VLDLR: variants seen among roughly 807,000 people sequenced by gnomAD.
The protein encoded by VLDLR is very low-density lipoprotein receptor.
Under a neutral mutation model 112.7 loss-of-function variants are expected in VLDLR, and 81 were observed. That is an observed-to-expected ratio of 0.72 (90% CI 0.60 to 0.86). VLDLR has a LOEUF of 0.86. VLDLR is among the 40% of genes least tolerant of loss of function. VLDLR has a pLI of 0.00. For synonymous variants in VLDLR, 436 were observed against 384.8 expected (o/e 1.13, Z -1.56); for missense variants, 1,237 against 1,099.4 (o/e 1.13, Z -1.77).
In VLDLR at chr9:2,643,205, G is replaced by A. The variant is rs532269001; in HGVS notation, c.494G>A (p.Arg165His). 38 of 1,613,772 alleles carry A rather than the reference G, an allele frequency of 2.4e-5. No individual in the cohort carries two copies. Among genetic ancestry groups the A allele is most frequent in the Admixed American group, 1.8e-4 (11 of 60,016 alleles). Residue 165 changes from arginine to histidine, a missense_variant, in exon 5 of 19, where the codon CGC becomes CAC. Coordinates refer to ENST00000382100, the MANE Select transcript of VLDLR (RefSeq NM_003383.5). ...SPDEFTCSSG[R>H]CISRNFVCNG... ...GACGAGTTCACCTGCTCCAGTGGCCGCTGCATCTCCAGGAACTTTGTATGC... is the reference window on the plus strand; with the variant it reads ...GACGAGTTCACCTGCTCCAGTGGCCACTGCATCTCCAGGAACTTTGTATGC...
At chr9:2,626,977 C>G (rs10967217) in intron 1 of VLDLR, among the ~76,000 whole-genome samples, 11,078 of 152,276 alleles carry the variant, frequency 0.073, 405 homozygotes, top group East Asian at 0.15. Context: ...TGTTGGTCAT[C>G]TTTGTGCATC....
At chr9:2,633,304 G>C (rs1233892606) in intron 1 of VLDLR, among the ~76,000 whole-genome samples, 1 of 152,098 alleles carries the variant, frequency 6.6e-6, no homozygotes, top group Non-Finnish European at 1.5e-5. Flanking sequence ...ACTGTTGATA[G>C]CTTGTATATT....
intron 11 of VLDLR, 100 bp downstream of exon 11, chr9:2,646,652 G>A: frequency 2.6e-6 from 3 of 1,139,276 alleles, no homozygotes; most frequent in Non-Finnish European, 3.9e-6. Flanking sequence ...AGGTTTATGA[G>A]CCTTCTGCAA....
At chr9:2,628,903 C>A (rs770024694) in intron 1 of VLDLR, among the ~76,000 whole-genome samples, 7 of 152,110 alleles carry the variant, frequency 4.6e-5, no homozygotes, top group Non-Finnish European at 1.0e-4. Flanking sequence ...CTCCTGTGTC[C>A]CTCCTGTGAT....
intron 1 of VLDLR, among the ~76,000 whole-genome samples, chr9:2,632,833 C>G (rs1817417670): frequency 6.6e-6 from 1 of 152,044 alleles, no homozygotes; most frequent in Admixed American, 6.6e-5. Flanking sequence ...AGTAGCAGTC[C>G]CTCAAAACAA....
At chr9:2,638,081 C>G (rs907984932) in intron 2 of VLDLR, among the ~76,000 whole-genome samples, 2 of 152,216 alleles carry the variant, frequency 1.3e-5, no homozygotes, top group African/African-American at 4.8e-5. Context: ...CCTGCAGACC[C>G]TCTGACTTCT....
chr9:2,637,392 AT>A (rs1443141560), intron 2 of VLDLR, among the ~76,000 whole-genome samples: 1 of 152,160 alleles, frequency 6.6e-6, no homozygotes, highest in African/African-American at 2.4e-5. Context: ...TTCTTTTATA[AT>A]GTTAGGCTGA....
In VLDLR at chr9:2,653,715, T is replaced by G. The variant is rs1296550510; in HGVS notation, c.2587-118T>G. 2,050 of 1,046,654 alleles carry G rather than the reference T, an allele frequency of 2.0e-3. 39 individuals are homozygous for G. The African/African-American group carries it at 0.029, about 15-fold the overall frequency. The allele number at this position is 1,046,654 out of a possible 1,614,324, so 64.8% of individuals were successfully genotyped here. On this transcript the variant is annotated intron_variant, in intron 18 of 18. Coordinates refer to ENST00000382100, the MANE Select transcript of VLDLR (RefSeq NM_003383.5). ...TATTCTTTTGTATCTGACTGACTTT[T>G]CTTCTAAGCACTCTGAGTGTTTGAA... is the stretch of plus-strand genomic sequence containing the variant.
At chr9:2,632,134 C>T (rs1157417466) in intron 1 of VLDLR, among the ~76,000 whole-genome samples, 1 of 152,130 alleles carries the variant, frequency 6.6e-6, no homozygotes, top group Non-Finnish European at 1.5e-5. Flanking sequence ...CAGAGATATT[C>T]TAAGGATTAG....
At chr9:2,648,881 T>G (rs1563764835) in intron 14 of VLDLR, 71 bp downstream of exon 14, 4 of 1,598,488 alleles carry the variant, frequency 2.5e-6, no homozygotes, top group African/African-American at 2.7e-5. Context: ...CTGCTGGATG[T>G]CAGTAGCTCT....
At chr9:2,641,788 G>C (rs1025062316) in intron 4 of VLDLR, among the ~76,000 whole-genome samples, 1 of 152,108 alleles carries the variant, frequency 6.6e-6, no homozygotes, top group African/African-American at 2.4e-5. Flanking sequence ...AATTGTGTGG[G>C]CTTTTGTTTT....
At chr9:2,646,275 A>T in intron 10 of VLDLR, 59 bp from the exon 11 acceptor site, 1 of 1,570,318 alleles carries the variant, frequency 6.4e-7, no homozygotes, top group Non-Finnish European at 8.8e-7. Context: ...CAAAAAGTCC[A>T]TTCTCCAAGC....
chr9:2,642,526 C>T (rs1817875228), intron 4 of VLDLR, among the ~76,000 whole-genome samples: 1 of 152,176 alleles, frequency 6.6e-6, no homozygotes, highest in South Asian at 2.1e-4. Context: ...GACCTTGAAA[C>T]ATTTGGCAGG....
chr9:2,643,175 G>C lies in VLDLR; in HGVS notation c.464G>C (p.Ser155Thr), dbSNP rs34080096. 5.3e-4 allele frequency: 847 copies of C among 1,612,090 alleles called. 1 individual carries two copies. The African/African-American group carries it at 0.01, about 19-fold the overall frequency. The stretch of plus-strand genomic sequence containing the variant: ...CTCTTAATAGGCAATATAACATGTA[G>C]TCCCGACGAGTTCACCTGCTCCAGT... ...DEENCGNITCSPDEFTCSSGR... is the reference protein window; with the variant it reads ...DEENCGNITCTPDEFTCSSGR... Residue 155 changes from serine (S) to threonine (T), a missense_variant, in exon 5 of 19, where the codon AGT becomes ACT. Coordinates refer to ENST00000382100, the MANE Select transcript of VLDLR (RefSeq NM_003383.5).
chr9:2,652,009 G>C, intron 17 of VLDLR, 55 bp downstream of exon 17: 1 of 1,558,962 alleles, frequency 6.4e-7, no homozygotes, highest in Non-Finnish European at 8.8e-7. Context: ...ACCAGATGAA[G>C]ATTTTTTGTT....
rs1402766081 is a variant in VLDLR at position 2,646,373 on chromosome 9, G to T, written c.1524G>T (p.Met508Ile). The T allele has an allele frequency of 6.2e-7, 1 of 1,614,160 alleles. No individual in the cohort carries two copies. The highest frequency in any genetic ancestry group is 8.5e-7 in the Non-Finnish European group (1 of 1,180,018). The change falls in exon 11 of 19, where the codon ATG becomes ATT. Residue 508 changes from methionine (M) to isoleucine (I), a missense_variant. Coordinates refer to ENST00000382100, the MANE Select transcript of VLDLR (RefSeq NM_003383.5). ...ACAAGGTTGGTAGACATGTTAAAATGATCGACAATGTCTATAATCCTGCAG... is the reference window on the plus strand; with the variant it reads ...ACAAGGTTGGTAGACATGTTAAAATTATCGACAATGTCTATAATCCTGCAG... ...IDDKVGRHVK[M>I]IDNVYNPAAI...
Position 2,650,528 on chromosome 9 carries a change from TG to T in VLDLR, c.2251+13del, listed in dbSNP as rs760704857. 6.2e-7 allele frequency: 1 copy of T among 1,612,938 alleles called. No homozygotes were observed. Among genetic ancestry groups the T allele is most frequent in the Non-Finnish European group, 8.5e-7 (1 of 1,179,942 alleles). ...CCGAGACTGTCAAAGTAAGGCATTT[TG>T]TGTTTCAACCACAAGTAGAACCTAC... On this transcript the variant is annotated intron_variant, in intron 15 of 18. Transcript: ENST00000382100.
At chr9:2,650,276 G>T (rs972058895) in intron 14 of VLDLR, 94 bp from the exon 15 acceptor site, 1 of 1,527,260 alleles carries the variant, frequency 6.5e-7, no homozygotes, top group Admixed American at 1.7e-5. Context: ...AAGCTCTTGG[G>T]GGCAAGGACT....
At chr9:2,649,748 A>G (rs1015594973) in intron 14 of VLDLR, among the ~76,000 whole-genome samples, 1 of 152,228 alleles carries the variant, frequency 6.6e-6, no homozygotes, top group African/African-American at 2.4e-5. Flanking sequence ...CTCTGTAAAT[A>G]TCCTATCCTC....
Sources: gnomAD v4.1 joint callset for allele counts (sites outside exome capture counted in the v4.1 genomes callset) on GRCh38, gnomAD v4.1.1 for gene constraint, MANE v1.5 for transcripts, NCBI Gene and HGNC (gene_info 2026-07-23, HGNC 2026-07-21) for gene names.